The following EVC variants were observed in gnomAD, a reference collection of about 807,000 sequenced individuals.
EVC encodes the protein evC complex member EVC.
Under a neutral mutation model 118.9 loss-of-function variants are expected in EVC, and 116 were observed. That is an observed-to-expected ratio of 0.98 (90% CI 0.84 to 1.14). The LOEUF is 1.14. EVC is among the 50% of genes most tolerant of loss of function. The probability of loss-of-function intolerance (pLI) is 0.00; values close to 1 mark genes in which losing one functional copy is unlikely to be tolerated. For synonymous variants in EVC, 619 were observed against 534.7 expected, an observed-to-expected ratio of 1.16 and a Z score of -2.18; for missense variants, 1,401 against 1,246.4, an observed-to-expected ratio of 1.12 and a Z score of -1.87.
At position 5,753,990 on chromosome 4, in the gene EVC, C is replaced by G. The variant is rs1730801405; in HGVS notation, c.1464+57C>G. ...GGTGAGCCAGTTGTAGCTCTGTTCC[C>G]GTGACTGAGCACGGGACGCCGGAGG... On this transcript the variant is annotated intron_variant, in intron 10 of 20. Coordinates refer to ENST00000264956, the MANE Select transcript of EVC (RefSeq NM_153717.3). 7 of 1,606,080 alleles carry G rather than the reference C, an allele frequency of 4.4e-6. 1 individual carries two copies. The highest frequency in any genetic ancestry group is 3.3e-5 in the South Asian group (3 of 90,764).
At chr4:5,751,983 C>G (rs887287500) in intron 8 of EVC, among the ~76,000 whole-genome samples, 1 of 152,168 alleles carries the variant, frequency 6.6e-6, no homozygotes, top group Admixed American at 6.5e-5. Context: ...GGTTTGGGGC[C>G]ATGGCTGACA....
At chr4:5,800,855 C>T (rs1577633213) in intron 15 of EVC, among the ~76,000 whole-genome samples, 1 of 22,142 alleles carries the variant, frequency 4.5e-5, no homozygotes, top group Non-Finnish European at 1.1e-4. Flanking sequence ...GCAGCCTCCG[C>T]GCCGCGCCAC....
the EVC span, chr4:5,825,633 C>T: frequency 4.3e-6 from 7 of 1,611,062 alleles, no homozygotes; most frequent in Non-Finnish European, 5.9e-6. This position sits in a 1 kb window ranked among gnomAD's most constrained non-coding sequence, Gnocchi z 4.4. Context: ...CATACATGCC[C>T]CTGGAAACCC....
chr4:5,758,294 C>T, intron 11 of EVC: 1 of 567,470 alleles, frequency 1.8e-6, no homozygotes, highest in Non-Finnish European at 3.1e-6. Flanking sequence ...AGAGAATAAA[C>T]TTCGTTGTCT....
chr4:5,828,483 A>C, the EVC span: 1 of 1,612,944 alleles, frequency 6.2e-7, no homozygotes, highest in South Asian at 1.1e-5. Flanking sequence ...CTGCAGACAC[A>C]CTCACCTTAT....
chr4:5,729,491 T>A, intron 3 of EVC, 101 bp downstream of exon 3: 1 of 1,185,996 alleles, frequency 8.4e-7, no homozygotes, highest in Non-Finnish European at 1.3e-6. Flanking sequence ...TTTGGTCCTG[T>A]TTGAGGGTTT....
At chr4:5,814,816 C>T (rs1450002731), downstream of EVC, among the ~76,000 whole-genome samples, 1 of 151,982 alleles carries the variant, frequency 6.6e-6, no homozygotes, top group East Asian at 1.9e-4. Context: ...CACATGGAGT[C>T]AGGACTCACA....
rs1250746207 is a variant in EVC at position 5,798,918 on chromosome 4, C to A, written c.2304+126C>A. 3 of 1,022,638 alleles carry A rather than the reference C, an allele frequency of 2.9e-6. No individual in the cohort carries two copies. Among genetic ancestry groups the A allele is most frequent in the South Asian group, 2.7e-5 (2 of 72,926 alleles). The allele number at this position is 1,022,638 out of a possible 1,614,324, so 63.3% of individuals were successfully genotyped here. A position where few individuals can be genotyped will look rare whatever the true frequency, so the allele number is the denominator to read the frequency against. On this transcript the variant is annotated intron_variant, in intron 15 of 20. Coordinates refer to ENST00000264956, the MANE Select transcript of EVC (RefSeq NM_153717.3). The surrounding 1 kb of genome is among the most constrained non-coding windows in gnomAD (Gnocchi z 4.1). ...TGGCCTAGTAGACTTTGCCTGACTT[C>A]TCCATGACTTGATTTTCTCATCTGT...
At chr4:5,721,391 AG>A in intron 2 of EVC, among the ~76,000 whole-genome samples, 1 of 152,232 alleles carries the variant, frequency 6.6e-6, no homozygotes, top group East Asian at 1.9e-4. Context: ...GCTAAATGAA[AG>A]AAGCCACTCA....
chr4:5,801,837 G>C, intron 15 of EVC, 113 bp from the exon 16 acceptor site: 4 of 1,216,624 alleles, frequency 3.3e-6, no homozygotes. Flanking sequence ...ATCCAGGTTG[G>C]TGAGTAGGTG....
intron 16 of EVC, among the ~76,000 whole-genome samples, chr4:5,802,870 CTAGT>C (rs1560436017): frequency 6.6e-6 from 1 of 152,162 alleles, no homozygotes; most frequent in Non-Finnish European, 1.5e-5. Context: ...GGGACCAGTA[CTAGT>C]CTGTGGCCCA....
At position 5,733,446 on chromosome 4, in the gene EVC, A is replaced by T. The variant is rs1471038613; in HGVS notation, c.702+11A>T. 1 of 1,610,810 alleles carries T rather than the reference A, an allele frequency of 6.2e-7. No individual in the cohort carries two copies. Among genetic ancestry groups the T allele is most frequent in the Non-Finnish European group, 8.5e-7 (1 of 1,177,088 alleles). ...CAGGAAAAGCATATGGTAGGTGGAG[A>T]TGTTCGCATTCCCTCCTTTTCATGG... On this transcript the variant is annotated intron_variant, in intron 5 of 20. Coordinates refer to ENST00000264956, the MANE Select transcript of EVC (RefSeq NM_153717.3).
intron 11 of EVC, among the ~76,000 whole-genome samples, chr4:5,759,136 T>A (rs1731626404): frequency 6.6e-6 from 1 of 151,996 alleles, no homozygotes; most frequent in South Asian, 2.1e-4. Flanking sequence ...ATACGTCACA[T>A]GTCTCATTAG....
chr4:5,771,896 TTTA>T (rs144615603), intron 11 of EVC, among the ~76,000 whole-genome samples: 64,476 of 150,530 alleles, frequency 0.43, 14,969 homozygotes, highest in African/African-American at 0.6. Context: ...TTTATTTTAT[TTTA>T]TTATTATTAT....
At chr4:5,767,274 C>CA (rs1206772753) in intron 11 of EVC, among the ~76,000 whole-genome samples, 1 of 151,000 alleles carries the variant, frequency 6.6e-6, no homozygotes, top group African/African-American at 2.4e-5. Flanking sequence ...TCTCCAGCTG[C>CA]ATGCTGGGAG....
At chr4:5,817,779 A>G (rs1053252455), downstream of EVC, among the ~76,000 whole-genome samples, 1 of 152,202 alleles carries the variant, frequency 6.6e-6, no homozygotes, top group Non-Finnish European at 1.5e-5. Context: ...TGGCCCCAGG[A>G]TAAGGGTAGC....
chr4:5,827,944 G>T, the EVC span: 2 of 697,072 alleles, frequency 2.9e-6, no homozygotes, highest in Non-Finnish European at 3.5e-6. Context: ...GATGTCCTGA[G>T]GTCAGTGCTA....
chr4:5,732,569 C>T lies in EVC; in HGVS notation c.618-782C>T, dbSNP rs74870813. 5.6e-4 allele frequency among the ~76,000 whole-genome samples: 85 copies of T among 152,382 alleles called. No homozygotes were observed. In the East Asian group the frequency reaches 0.015, roughly 27 times the overall value. On this transcript the variant is annotated intron_variant, in intron 4 of 20. Coordinates refer to ENST00000264956, the MANE Select transcript of EVC (RefSeq NM_153717.3). ...AAAAAAGGTCAAAGACTTTTACACT[C>T]TGCCATGTATCTGCCCCCGTTGACC...
At chr4:5,825,677 G>C in the EVC span, 1 of 1,611,176 alleles carries the variant, frequency 6.2e-7, no homozygotes, top group Non-Finnish European at 8.5e-7. This position sits in a 1 kb window ranked among gnomAD's most constrained non-coding sequence, Gnocchi z 4.4. Flanking sequence ...GAGGAAGGGA[G>C]AGTGTGATTG....
Sources: allele counts gnomAD v4.1 joint callset (sites outside exome capture counted in the v4.1 genomes callset), GRCh38; gene constraint gnomAD v4.1.1; non-coding constraint Gnocchi (gnomAD v3.1); transcripts MANE v1.5; gene names NCBI Gene and HGNC (gene_info 2026-07-23, HGNC 2026-07-21).